Variants in NEGR1 observed in about 807,000 individuals in gnomAD.
NEGR1 encodes the protein neuronal growth regulator 1.
Under a neutral mutation model 40.9 loss-of-function variants are expected in NEGR1, and 10 were observed. That is an observed-to-expected ratio of 0.24 (90% CI 0.15 to 0.42). The LOEUF is 0.42. Among genes scored for constraint, NEGR1 ranks in the 10% least tolerant of loss-of-function variants. The pLI, the probability that NEGR1 is intolerant of heterozygous loss-of-function variation, is 1.00. For synonymous variants in NEGR1, 185 were observed against 166.8 expected (o/e 1.11, Z -0.84); for missense variants, 352 against 438.9 (o/e 0.80, Z 1.77).
At chr1:71,769,546 G>A (rs1226270171) in intron 3 of NEGR1, among the ~76,000 whole-genome samples, 1 of 152,174 alleles carries the variant, frequency 6.6e-6, no homozygotes. Flanking sequence ...GCTCATGATA[G>A]TGAGTGAGTT....
chr1:71,761,808 A>C (rs1053829328), intron 3 of NEGR1, among the ~76,000 whole-genome samples: 4 of 152,086 alleles, frequency 2.6e-5, no homozygotes, highest in African/African-American at 9.7e-5. Flanking sequence ...GAACGGCTAT[A>C]AAAAAATTTT....
chr1:72,128,784 G>A (rs2100307585), intron 1 of NEGR1, among the ~76,000 whole-genome samples: 1 of 152,166 alleles, frequency 6.6e-6, no homozygotes, highest in East Asian at 1.9e-4. Context: ...CATTATTTCT[G>A]GGTATGCCCG....
At chr1:71,763,015 A>G (rs141759979) in intron 3 of NEGR1, among the ~76,000 whole-genome samples, 13 of 152,206 alleles carry the variant, frequency 8.5e-5, no homozygotes, top group Non-Finnish European at 1.6e-4. Flanking sequence ...AAGAACAAAA[A>G]TGCTAAAAAT....
At chr1:72,237,514 T>C (rs963641260) in intron 1 of NEGR1, among the ~76,000 whole-genome samples, 1 of 151,962 alleles carries the variant, frequency 6.6e-6, no homozygotes, top group African/African-American at 2.4e-5. Context: ...TCTACTACCG[T>C]CACCTTCAGG....
intron 6 of NEGR1, among the ~76,000 whole-genome samples, chr1:71,483,877 A>G (rs1232280723): frequency 6.6e-6 from 1 of 151,856 alleles, no homozygotes; most frequent in African/African-American, 2.4e-5. Context: ...TAATAGCAGT[A>G]TCTAAAAAGG....
intron 4 of NEGR1, among the ~76,000 whole-genome samples, chr1:71,696,858 TG>T (rs1349010167): frequency 6.6e-6 from 1 of 151,806 alleles, no homozygotes; most frequent in Non-Finnish European, 1.5e-5. Flanking sequence ...TACTACAATT[TG>T]TTTGCAGAAC....
intron 1 of NEGR1, among the ~76,000 whole-genome samples, chr1:72,174,310 A>G (rs1652082105): frequency 6.6e-6 from 1 of 152,288 alleles, no homozygotes; most frequent in African/African-American, 2.4e-5. Context: ...TGCATTTGCT[A>G]CAATGAATGA....
intron 2 of NEGR1, among the ~76,000 whole-genome samples, chr1:71,910,576 A>G (rs1661397881): frequency 6.6e-6 from 1 of 152,178 alleles, no homozygotes; most frequent in African/African-American, 2.4e-5. Context: ...TCTGCCTACC[A>G]TTACTGTTAA....
At chr1:71,866,417 C>T (rs1308149794) in intron 2 of NEGR1, among the ~76,000 whole-genome samples, 3 of 152,186 alleles carry the variant, frequency 2.0e-5, no homozygotes, top group East Asian at 3.9e-4. Flanking sequence ...TAATGAAGAC[C>T]AGACACTTTC....
At chr1:72,076,091 C>T (rs1404837950) in intron 1 of NEGR1, among the ~76,000 whole-genome samples, 1 of 152,082 alleles carries the variant, frequency 6.6e-6, no homozygotes, top group East Asian at 1.9e-4. Flanking sequence ...TCTTATAAGC[C>T]TGATCAAGAA....
At chr1:71,732,795 C>A (rs1654926661) in intron 3 of NEGR1, among the ~76,000 whole-genome samples, 1 of 152,124 alleles carries the variant, frequency 6.6e-6, no homozygotes, top group Non-Finnish European at 1.5e-5. Context: ...GAGAATGTGG[C>A]ATTTCACAAA....
At chr1:72,146,765 C>T (rs557209378) in intron 1 of NEGR1, among the ~76,000 whole-genome samples, 3 of 152,258 alleles carry the variant, frequency 2.0e-5, no homozygotes, top group African/African-American at 7.2e-5. Context: ...CGTTACTCAA[C>T]CTCTATTGTA....
chr1:71,757,760 T>C (rs979491909), intron 3 of NEGR1, among the ~76,000 whole-genome samples: 9 of 152,024 alleles, frequency 5.9e-5, no homozygotes, highest in Non-Finnish European at 1.2e-4. Context: ...CTTATACTGT[T>C]TATATAGAAG....
intron 4 of NEGR1, among the ~76,000 whole-genome samples, chr1:71,657,389 A>G (rs1651913322): frequency 6.6e-6 from 1 of 152,230 alleles, no homozygotes. Context: ...TAAACATCAC[A>G]CTAATAAATA....
At chr1:71,779,252 C>T (rs2101721702) in intron 2 of NEGR1, among the ~76,000 whole-genome samples, 1 of 152,298 alleles carries the variant, frequency 6.6e-6, no homozygotes, top group Admixed American at 6.5e-5. Context: ...CAGTTTAAGC[C>T]TTCCAACTTT....
intron 1 of NEGR1, among the ~76,000 whole-genome samples, chr1:72,024,972 C>T (rs1448943773): frequency 1.3e-5 from 2 of 152,058 alleles, no homozygotes; most frequent in Admixed American, 6.6e-5. Flanking sequence ...TTTGGGTAGC[C>T]AATCAGATTG....
At chr1:72,194,734 C>T (rs530284999) in intron 1 of NEGR1, among the ~76,000 whole-genome samples, 1 of 152,164 alleles carries the variant, frequency 6.6e-6, no homozygotes, top group South Asian at 2.1e-4. Flanking sequence ...TGTCTTCCTT[C>T]TGTCTATTCA....
intron 6 of NEGR1, among the ~76,000 whole-genome samples, chr1:71,435,059 C>A (rs1030763322): frequency 6.6e-6 from 1 of 152,002 alleles, no homozygotes; most frequent in Non-Finnish European, 1.5e-5. Context: ...CCAATGCACT[C>A]CAGCCTGGGC....
chr1:72,002,078 A>C (rs1165102642), intron 1 of NEGR1, among the ~76,000 whole-genome samples: 1 of 152,022 alleles, frequency 6.6e-6, no homozygotes, highest in Non-Finnish European at 1.5e-5. Context: ...ACTACTTCTC[A>C]GAGTTTAATA....
Sources: gnomAD v4.1 joint callset for allele counts (sites outside exome capture counted in the v4.1 genomes callset) on GRCh38, gnomAD v4.1.1 for gene constraint, MANE v1.5 for transcripts, NCBI Gene and HGNC (gene_info 2026-07-23, HGNC 2026-07-21) for gene names.